UBE3C: variants seen among roughly 807,000 people sequenced by gnomAD.
UBE3C encodes ubiquitin protein ligase E3C.
Under a neutral mutation model 129.4 loss-of-function variants are expected in UBE3C, and 42 were observed. The ratio of observed to expected loss-of-function variants is 0.32; its 90% confidence interval spans 0.25 to 0.42. The LOEUF (loss-of-function observed/expected upper bound fraction) is 0.42, where lower values mean the gene tolerates loss of function less well. Ranked by LOEUF, UBE3C falls within the 10% of genes least tolerant of loss-of-function variation. UBE3C has a pLI of 1.00. For synonymous variants in UBE3C, 510 were observed against 492.4 expected, an observed-to-expected ratio of 1.04 and a Z score of -0.47; for missense variants, 1,049 against 1,319.1, an observed-to-expected ratio of 0.80 and a Z score of 3.17.
intron 22 of UBE3C, among the ~76,000 whole-genome samples, chr7:157,261,713 C>T (rs906299529): frequency 6.6e-6 from 1 of 152,030 alleles, no homozygotes; most frequent in Non-Finnish European, 1.5e-5. Context: ...CTCCTTAGTG[C>T]CAGATTATTG....
At chr7:157,240,883 A>C (rs544679684) in intron 18 of UBE3C, among the ~76,000 whole-genome samples, 2 of 152,208 alleles carry the variant, frequency 1.3e-5, no homozygotes, top group African/African-American at 2.4e-5. Flanking sequence ...TGGTAGAATG[A>C]CAGTCAACTG....
intron 14 of UBE3C, among the ~76,000 whole-genome samples, chr7:157,218,127 G>T (rs1384740179): frequency 6.6e-6 from 1 of 152,172 alleles, no homozygotes; most frequent in Admixed American, 6.5e-5. Context: ...TTGGGAGTAG[G>T]AGATGGAGTG....
intron 10 of UBE3C, chr7:157,192,698 CA>C (rs1396308546): frequency 2.0e-5 from 16 of 789,870 alleles, no homozygotes; most frequent in Non-Finnish European, 2.0e-5. Context: ...ATGAGAATGA[CA>C]AAATGAGCTG....
intron 4 of UBE3C, among the ~76,000 whole-genome samples, chr7:157,171,377 C>T (rs1808361731): frequency 6.6e-6 from 1 of 151,968 alleles, no homozygotes; most frequent in South Asian, 2.1e-4. Flanking sequence ...ATCCTCCCAC[C>T]TCATCCTCCC....
intron 1 of UBE3C, among the ~76,000 whole-genome samples, chr7:157,144,789 C>G (rs1278581575): frequency 2.0e-5 from 3 of 152,112 alleles, no homozygotes; most frequent in Non-Finnish European, 4.4e-5. Context: ...TCACTTTTCT[C>G]TATTACTAGC....
chr7:157,235,670 C>G (rs1022791991), intron 18 of UBE3C, among the ~76,000 whole-genome samples: 7 of 152,160 alleles, frequency 4.6e-5, no homozygotes, highest in African/African-American at 1.7e-4. Context: ...TAAGTTATAT[C>G]TTATTAAGGC....
At chr7:157,181,817 C>CTTT in intron 7 of UBE3C, 146 bp downstream of exon 7, 3 of 1,124,142 alleles carry the variant, frequency 2.7e-6, no homozygotes, top group Non-Finnish European at 3.7e-6. Flanking sequence ...GGAAAGTGTA[C>CTTT]TTTTTCTTTC....
intron 1 of UBE3C, among the ~76,000 whole-genome samples, chr7:157,144,651 A>G (rs1807554381): frequency 6.6e-6 from 1 of 151,818 alleles, no homozygotes; most frequent in South Asian, 2.1e-4. Context: ...TAGTGGGAGT[A>G]GAATTAAGAT....
chr7:157,175,667 A>T (rs1262780524), intron 5 of UBE3C, among the ~76,000 whole-genome samples: 1 of 152,120 alleles, frequency 6.6e-6, no homozygotes. Context: ...TTTGTTTAGG[A>T]TTACTGTCAG....
intron 17 of UBE3C, among the ~76,000 whole-genome samples, chr7:157,227,517 T>G (rs1795912454): frequency 6.6e-6 from 1 of 151,540 alleles, no homozygotes; most frequent in Non-Finnish European, 1.5e-5. Context: ...GCCAGCATGG[T>G]GCAACCCTGT....
At chr7:157,160,214 A>G (rs1200434010) in intron 1 of UBE3C, among the ~76,000 whole-genome samples, 4 of 151,912 alleles carry the variant, frequency 2.6e-5, no homozygotes, top group Admixed American at 1.3e-4. Flanking sequence ...AGCTGAGACT[A>G]CAGGTGCGCG....
rs1185246988 is a variant in UBE3C at position 157,269,000 on chromosome 7, A to C, written c.*1245A>C. 2.6e-5 allele frequency: 4 copies of C among 152,616 alleles called. No individual in the cohort carries two copies. Among genetic ancestry groups the C allele is most frequent in the African/African-American group, 9.7e-5 (4 of 41,432 alleles). The allele number at this position is 152,616 out of a possible 1,614,324, so 9.5% of individuals were successfully genotyped here. ...TGGGCTGTCATAGTTAATTGACCATAATTAGCAATATACTTTTAAAGTGGG... is the reference window on the plus strand; with the variant it reads ...TGGGCTGTCATAGTTAATTGACCATCATTAGCAATATACTTTTAAAGTGGG... On this transcript the variant is annotated 3_prime_UTR_variant, in exon 23 of 23. Coordinates refer to ENST00000348165, the MANE Select transcript of UBE3C (RefSeq NM_014671.3).
At chr7:157,259,694 G>A (rs1184172126) in intron 22 of UBE3C, among the ~76,000 whole-genome samples, 1 of 152,176 alleles carries the variant, frequency 6.6e-6, no homozygotes, top group Non-Finnish European at 1.5e-5. Context: ...TAGAGACACA[G>A]AGCGGGTCAG....
intron 15 of UBE3C, chr7:157,222,664 G>T (rs1184694112): frequency 1.3e-5 from 2 of 152,268 alleles, no homozygotes; most frequent in Non-Finnish European, 2.9e-5. Flanking sequence ...CTCAAGGGAT[G>T]CTCTCGCCTC....
At chr7:157,260,240 CTGAATGTTACAACAGTGAG>C (rs973389902) in intron 22 of UBE3C, among the ~76,000 whole-genome samples, 1 of 151,976 alleles carries the variant, frequency 6.6e-6, no homozygotes, top group Non-Finnish European at 1.5e-5. Flanking sequence ...TGAGAGAAGC[CTGAATGTTACAACAGTGAG>C]TGCGGAGAAA....
At chr7:157,259,891 C>CT (rs1796852628) in intron 22 of UBE3C, among the ~76,000 whole-genome samples, 2 of 152,290 alleles carry the variant, frequency 1.3e-5, no homozygotes, top group Admixed American at 1.3e-4. Flanking sequence ...TGACTATAAA[C>CT]TAACACAGCA....
At chr7:157,187,500 A>G (rs1161225791) in intron 10 of UBE3C, among the ~76,000 whole-genome samples, 1 of 150,028 alleles carries the variant, frequency 6.7e-6, no homozygotes, top group East Asian at 2.0e-4. Flanking sequence ...TTTCACCCCA[A>G]CCTTCTGAGT....
At chr7:157,155,092 TGTAA>T (rs1247260032) in intron 1 of UBE3C, among the ~76,000 whole-genome samples, 13 of 152,226 alleles carry the variant, frequency 8.5e-5, no homozygotes, top group African/African-American at 1.9e-4. Flanking sequence ...ATGATGCACC[TGTAA>T]GTATGTTTTG....
At position 157,267,701 on chromosome 7, in the gene UBE3C, G is replaced by A. The variant is rs1797118103; in HGVS notation, c.3198G>A (p.Leu1066=). The change falls in exon 23 of 23, where the codon TTG becomes TTA. Residue 1066 remains leucine (L), a synonymous_variant. Transcript: ENST00000348165. ...CCGAGTTCTATGACGAGACACTTTT[G>A]CGAAGTAAACTTCTCTATGCGATTG... The part of the protein sequence containing the change: ...KLPEFYDETL[L]RSKLLYAIEC... The A allele has an allele frequency of 2.5e-6, 4 of 1,613,618 alleles. No homozygotes were observed. The highest frequency in any genetic ancestry group is 3.4e-6 in the Non-Finnish European group (4 of 1,179,826).
Sources: allele counts gnomAD v4.1 joint callset (sites outside exome capture counted in the v4.1 genomes callset), GRCh38; gene constraint gnomAD v4.1.1; transcripts MANE v1.5; gene names NCBI Gene and HGNC (gene_info 2026-07-23, HGNC 2026-07-21).